Variants in MAP4 observed in about 807,000 individuals in gnomAD.
MAP4 encodes microtubule-associated protein 4.
In MAP4, 76 loss-of-function variants were observed where a neutral mutation model predicts 170.2. That is an observed-to-expected ratio of 0.45 (90% CI 0.37 to 0.54). MAP4 has a LOEUF of 0.54. Among genes scored for constraint, MAP4 ranks in the 20% least tolerant of loss-of-function variants. The pLI is 0.00. For missense variants in MAP4, 2,506 were observed against 2,748.0 expected (o/e 0.91, Z 1.97); for synonymous variants, 909 against 994.5 (o/e 0.91, Z 1.62).
chr3:47,861,790 C>T (rs763673679), intron 17 of MAP4, among the ~76,000 whole-genome samples: 32 of 151,926 alleles, frequency 2.1e-4, no homozygotes, highest in Middle Eastern at 3.2e-3. Flanking sequence ...GCCCAGAAGG[C>T]GGAGGTTGCA....
chr3:48,058,354 T>C (rs2100133397), intron 1 of MAP4, among the ~76,000 whole-genome samples: 1 of 152,150 alleles, frequency 6.6e-6, no homozygotes, highest in African/African-American at 2.4e-5. Context: ...ATTTAAAAAT[T>C]AGCATATAGT....
At chr3:48,006,128 T>A (rs557887104) in intron 1 of MAP4, among the ~76,000 whole-genome samples, 1 of 152,174 alleles carries the variant, frequency 6.6e-6, no homozygotes, top group Non-Finnish European at 1.5e-5. Flanking sequence ...AAAAGACTAA[T>A]TTGAATTATA....
chr3:48,048,096 T>G (rs79311901), intron 1 of MAP4, among the ~76,000 whole-genome samples: 1,882 of 152,198 alleles, frequency 0.012, 45 homozygotes, highest in African/African-American at 0.043. Flanking sequence ...GCAATGTATC[T>G]AGACTCCCAT....
chr3:47,954,622 T>TC (rs763330601), intron 3 of MAP4, among the ~76,000 whole-genome samples: 13 of 152,116 alleles, frequency 8.5e-5, no homozygotes, highest in Non-Finnish European at 1.5e-4. Flanking sequence ...CATCCAAGCT[T>TC]CCCCAAAGGC....
intron 10 of MAP4, chr3:47,891,252 C>T (rs1318672852): frequency 1.1e-5 from 17 of 1,536,146 alleles, no homozygotes; most frequent in Admixed American, 5.9e-5. Context: ...CCAGCAGTGC[C>T]GAGTTCCTTC....
intron 17 of MAP4, among the ~76,000 whole-genome samples, chr3:47,863,164 C>T (rs780893614): frequency 5.3e-5 from 8 of 152,016 alleles, no homozygotes; most frequent in African/African-American, 1.2e-4. Context: ...TTAATAGAGA[C>T]GGGGTTTCTC....
chr3:47,942,693 T>G (rs1415727660), intron 3 of MAP4, among the ~76,000 whole-genome samples: 1 of 152,210 alleles, frequency 6.6e-6, no homozygotes, highest in South Asian at 2.1e-4. Context: ...ACAAGGAAAA[T>G]ACGTGTATAT....
intron 10 of MAP4, chr3:47,891,862 G>A: frequency 6.5e-7 from 1 of 1,536,184 alleles, no homozygotes; most frequent in Non-Finnish European, 8.7e-7. Context: ...AGCCAGGGGT[G>A]ATGCTATTCT....
At chr3:48,078,320 T>A (rs936087641) in intron 1 of MAP4, among the ~76,000 whole-genome samples, 1 of 149,368 alleles carries the variant, frequency 6.7e-6, no homozygotes, top group Non-Finnish European at 1.5e-5. Context: ...AATTTTTTTT[T>A]TTTTTTTTTT....
intron 1 of MAP4, among the ~76,000 whole-genome samples, chr3:48,043,948 C>T (rs1295354909): frequency 8.6e-5 from 13 of 151,998 alleles, no homozygotes; most frequent in Admixed American, 2.6e-4. Context: ...TGGGGTCAAG[C>T]GATTCTCCTG....
At chr3:47,951,959 G>A (rs1242121137) in intron 3 of MAP4, among the ~76,000 whole-genome samples, 1 of 150,762 alleles carries the variant, frequency 6.6e-6, no homozygotes, top group Admixed American at 6.6e-5. Flanking sequence ...GTCTCTGCCC[G>A]GCCGCCCACT....
intron 3 of MAP4, among the ~76,000 whole-genome samples, chr3:47,938,248 T>C (rs2100054186): frequency 6.6e-6 from 1 of 151,886 alleles, no homozygotes; most frequent in African/African-American, 2.4e-5. Flanking sequence ...GGCGCACACC[T>C]GTAATCCTAC....
At chr3:48,000,221 CAAAAAAAAAAAA>C (rs530513032) in intron 1 of MAP4, among the ~76,000 whole-genome samples, 10 of 79,890 alleles carry the variant, frequency 1.3e-4, no homozygotes, top group South Asian at 5.0e-4. Context: ...ACTCCCCCAT[CAAAAAAAAAAAA>C]AAAAAAAAAA....
chr3:47,918,974 G>C (rs1440966761), intron 5 of MAP4, 133 bp from the exon 6 acceptor site: 4 of 636,168 alleles, frequency 6.3e-6, no homozygotes, highest in Non-Finnish European at 1.0e-5. Context: ...TGTTGCCCAC[G>C]CAGACAGAGT....
rs150091422 is a variant in MAP4, at chr3:47,880,044, A to G, written c.5435-2521T>C. Among the ~76,000 whole-genome samples, 521 of 152,158 alleles carry G rather than the reference A, an allele frequency of 3.4e-3. 3 individuals are homozygous for G. Among genetic ancestry groups the G allele is most frequent in the Middle Eastern group, 0.01 (3 of 294 alleles). On this transcript the variant is annotated intron_variant, in intron 10 of 20. Coordinates refer to ENST00000683076, the MANE Select transcript of MAP4 (RefSeq NM_001385682.1). ...GCTGAGAGTTTTAACATGAATGGCT[A>G]TTTGATTCTGTTAAACGATTTTTCT...
At chr3:47,915,922 A>G (rs376215174) in intron 7 of MAP4, 29 bp downstream of exon 7, 1 of 1,578,032 alleles carries the variant, frequency 6.3e-7, no homozygotes. Context: ...TGGTAGAGAG[A>G]AATACTGAGA....
intron 5 of MAP4, among the ~76,000 whole-genome samples, chr3:47,920,902 A>G (rs1230565895): frequency 1.3e-5 from 2 of 152,196 alleles, no homozygotes; most frequent in African/African-American, 2.4e-5. Flanking sequence ...TCACGCCTGT[A>G]ATCTCAGCAC....
intron 3 of MAP4, among the ~76,000 whole-genome samples, chr3:47,951,878 C>T (rs1470732808): frequency 6.6e-6 from 1 of 151,118 alleles, no homozygotes; most frequent in African/African-American, 2.4e-5. Flanking sequence ...CGTCTCTGCC[C>T]GCCCGCCATC....
intron 3 of MAP4, among the ~76,000 whole-genome samples, chr3:47,930,856 T>C (rs148959163): frequency 0.016 from 2,417 of 147,716 alleles, 31 homozygotes; most frequent in Non-Finnish European, 0.024. Flanking sequence ...GTGAACCTGG[T>C]AGGCAGAGCT....
Sources: allele counts gnomAD v4.1 joint callset (sites outside exome capture counted in the v4.1 genomes callset), GRCh38; gene constraint gnomAD v4.1.1; transcripts MANE v1.5; gene names NCBI Gene and HGNC (gene_info 2026-07-23, HGNC 2026-07-21).